The following SHCBP1 variants were observed in gnomAD, a reference collection of about 807,000 sequenced individuals.
The protein encoded by SHCBP1 is SHC SH2 domain-binding protein 1.
In SHCBP1, 60 loss-of-function variants were observed where a neutral mutation model predicts 75.1. That is an observed-to-expected ratio of 0.80 (90% CI 0.65 to 0.99). The LOEUF (loss-of-function observed/expected upper bound fraction) is 0.99, where lower values mean the gene tolerates loss of function less well. Among genes scored for constraint, SHCBP1 ranks in the 50% least tolerant of loss-of-function variants. SHCBP1 has a pLI of 0.00. For missense variants in SHCBP1, 709 were observed against 809.4 expected, an observed-to-expected ratio of 0.88 and a Z score of 1.50; for synonymous variants, 290 against 293.2, an observed-to-expected ratio of 0.99 and a Z score of 0.11.
chr16:46,604,526 G>A lies in SHCBP1; in HGVS notation c.690-65C>T. The A allele has an allele frequency of 3.7e-6, 4 of 1,092,912 alleles. No homozygotes were observed. In the South Asian group the frequency reaches 5.6e-5, roughly 15 times the overall value. 67.7% of individuals were successfully genotyped at this position (1,092,912 alleles called of 1,614,324 possible). On this transcript the variant is annotated intron_variant, in intron 5 of 12. Transcript: ENST00000303383. ...GGCACATTTTCCTATCATTAAAACAGCCCACTTAGCCCTCAAAGACCCAGT... is the reference window on the plus strand; with the variant it reads ...GGCACATTTTCCTATCATTAAAACAACCCACTTAGCCCTCAAAGACCCAGT...
intron 4 of SHCBP1, among the ~76,000 whole-genome samples, chr16:46,612,628 G>A (rs895240646): frequency 9.2e-5 from 14 of 152,062 alleles, no homozygotes; most frequent in South Asian, 2.1e-4. Flanking sequence ...CCTCAGAGCC[G>A]TTGTACCTAA....
At chr16:46,596,273 A>C (rs769345759) in intron 9 of SHCBP1, among the ~76,000 whole-genome samples, 1 of 151,984 alleles carries the variant, frequency 6.6e-6, no homozygotes, top group Non-Finnish European at 1.5e-5. Context: ...TGGGAGGCCG[A>C]GGGGGGCAGA....
chr16:46,616,043 C>G lies in SHCBP1; in HGVS notation c.499G>C (p.Asp167His), dbSNP rs1041021873. 6.2e-7 allele frequency: 1 copy of G among 1,614,214 alleles called. No homozygotes were observed. The change falls in exon 4 of 13, where the codon GAT becomes CAT. Residue 167 changes from aspartate (D) to histidine (H), a missense_variant. Coordinates refer to ENST00000303383, the MANE Select transcript of SHCBP1 (RefSeq NM_024745.5). The surrounding 1 kb of genome is among the most constrained non-coding windows in gnomAD (Gnocchi z 4.4). Reference sequence around the variant, plus strand: ...AGGGGCAACCGATGCTCCTTCAGATCAAGGAGCTCCTTCATGCACTCCATG... The same window carrying G: ...AGGGGCAACCGATGCTCCTTCAGATGAAGGAGCTCCTTCATGCACTCCATG... ...FTMECMKELL[D>H]LKEHRLPLQE...
At chr16:46,591,007 G>A (rs575160716) in intron 10 of SHCBP1, among the ~76,000 whole-genome samples, 28 of 152,308 alleles carry the variant, frequency 1.8e-4, no homozygotes, top group Middle Eastern at 3.4e-3. Flanking sequence ...ATGAGTTCAC[G>A]TCCTTTGTAG....
At chr16:46,608,265 C>T (rs1340319648) in intron 5 of SHCBP1, 32 bp downstream of exon 5, 2 of 1,511,240 alleles carry the variant, frequency 1.3e-6, no homozygotes, top group Non-Finnish European at 9.2e-7. Flanking sequence ...ATTTTTCCAA[C>T]ATGTACAACA....
intron 5 of SHCBP1, among the ~76,000 whole-genome samples, chr16:46,607,322 C>G (rs1054455235): frequency 2.0e-5 from 3 of 152,168 alleles, no homozygotes; most frequent in African/African-American, 7.2e-5. Flanking sequence ...CTGCTGCACT[C>G]CAGCCTGGGC....
At chr16:46,612,956 T>C (rs942627620) in intron 4 of SHCBP1, among the ~76,000 whole-genome samples, 2 of 152,146 alleles carry the variant, frequency 1.3e-5, no homozygotes, top group African/African-American at 4.8e-5. Flanking sequence ...ATCCGTCCTC[T>C]CTATATCCCC....
In SHCBP1 at chr16:46,579,885, G is replaced by A. The variant is rs1287389040; in HGVS notation, c.*1844C>T. Among the ~76,000 whole-genome samples the A allele has an allele frequency of 6.6e-6, 1 of 152,042 alleles. No individual in the cohort carries two copies. Among genetic ancestry groups the A allele is most frequent in the African/African-American group, 2.4e-5 (1 of 41,402 alleles). On this transcript the variant is annotated 3_prime_UTR_variant, in exon 13 of 13. Coordinates refer to ENST00000303383, the MANE Select transcript of SHCBP1 (RefSeq NM_024745.5). ...TGAGGTTGCAATGAGCCGAGATCAT[G>A]CCACTGCACTCCAGCCTGGGTGACA... is the stretch of plus-strand genomic sequence containing the variant.
chr16:46,598,530 G>C (rs1279509164), intron 9 of SHCBP1, among the ~76,000 whole-genome samples: 2 of 151,956 alleles, frequency 1.3e-5, no homozygotes, highest in Non-Finnish European at 2.9e-5. Context: ...ATTATAAACA[G>C]ATGTGCTACC....
chr16:46,600,012 A>G (rs374634816), intron 8 of SHCBP1, 50 bp from the exon 9 acceptor site: 3 of 1,600,616 alleles, frequency 1.9e-6, no homozygotes, highest in Non-Finnish European at 2.6e-6. Context: ...AAAAACATCT[A>G]AACGTGAACA....
At chr16:46,584,188 G>A in intron 10 of SHCBP1, 99 bp from the exon 11 acceptor site, 1 of 737,448 alleles carries the variant, frequency 1.4e-6, no homozygotes, top group South Asian at 2.3e-5. Context: ...CAGTACAAAT[G>A]TACAGCACAA....
At chr16:46,591,319 A>T (rs1051523160) in intron 10 of SHCBP1, among the ~76,000 whole-genome samples, 10 of 152,024 alleles carry the variant, frequency 6.6e-5, no homozygotes, top group South Asian at 4.1e-4. Flanking sequence ...AGTATAATTT[A>T]AAAAAAATAG....
chr16:46,592,975 A>AAAAAAAAC (rs1965073602), intron 10 of SHCBP1, among the ~76,000 whole-genome samples: 1 of 148,032 alleles, frequency 6.8e-6, no homozygotes, highest in Admixed American at 6.7e-5. Context: ...AAAAAAAAAA[A>AAAAAAAAC]AGCAGAAATT....
intron 5 of SHCBP1, among the ~76,000 whole-genome samples, chr16:46,606,211 T>C (rs925772432): frequency 6.6e-6 from 1 of 152,208 alleles, no homozygotes; most frequent in African/African-American, 2.4e-5. Context: ...TGAAGCAGTG[T>C]TGGTTTTTTT....
At chr16:46,601,703 G>A (rs1394508217) in intron 8 of SHCBP1, among the ~76,000 whole-genome samples, 1 of 151,894 alleles carries the variant, frequency 6.6e-6, no homozygotes, top group Admixed American at 6.6e-5. Context: ...GACTGTACTT[G>A]GCATATTTTC....
intron 10 of SHCBP1, among the ~76,000 whole-genome samples, chr16:46,585,115 T>C (rs143904724): frequency 1.1e-4 from 17 of 152,290 alleles, no homozygotes; most frequent in African/African-American, 3.1e-4. Context: ...AAAATATCTA[T>C]AGCAAGATGG....
chr16:46,586,959 C>G (rs770143097), intron 10 of SHCBP1, among the ~76,000 whole-genome samples: 2 of 151,558 alleles, frequency 1.3e-5, no homozygotes, highest in Non-Finnish European at 2.9e-5. Context: ...AGGAAGTTAT[C>G]TAAACAAAAA....
chr16:46,581,816 G>C lies in SHCBP1; in HGVS notation c.1932C>G (p.Asn644Lys). The change falls in exon 13 of 13, where the codon AAC becomes AAG. Residue 644 changes from asparagine to lysine, a missense_variant. Coordinates refer to ENST00000303383, the MANE Select transcript of SHCBP1 (RefSeq NM_024745.5). The part of the protein sequence containing the change: ...SELGITQADD[N>K]LMSQEMFVGI... Reference sequence around the variant, plus strand: ...CAACAAACATCTCCTGTGACATTAAGTTGTCATCAGCTTGCGTGATCCCCA... The same window carrying C: ...CAACAAACATCTCCTGTGACATTAACTTGTCATCAGCTTGCGTGATCCCCA... 6.2e-7 allele frequency: 1 copy of C among 1,614,198 alleles called. No individual in the cohort carries two copies. Among genetic ancestry groups the C allele is most frequent in the Non-Finnish European group, 8.5e-7 (1 of 1,180,036 alleles).
At chr16:46,615,867 G>A (rs527554171) in intron 4 of SHCBP1, 79 bp downstream of exon 4, 89 of 1,350,612 alleles carry the variant, frequency 6.6e-5, no homozygotes, top group Admixed American at 2.4e-4. Flanking sequence ...TTAAATCTGG[G>A]TCTAACACAG....
Sources: allele counts gnomAD v4.1 joint callset (sites outside exome capture counted in the v4.1 genomes callset), GRCh38; gene constraint gnomAD v4.1.1; non-coding constraint Gnocchi (gnomAD v3.1); transcripts MANE v1.5; gene names NCBI Gene and HGNC (gene_info 2026-07-23, HGNC 2026-07-21).